Variants in AVEN observed in about 807,000 individuals in gnomAD.
AVEN encodes the protein apoptosis and caspase activation inhibitor.
Under a neutral mutation model 38.1 loss-of-function variants are expected in AVEN, and 41 were observed. The ratio of observed to expected loss-of-function variants is 1.08; its 90% CI spans 0.84 to 1.40. The LOEUF is 1.40. AVEN is among the 40% of genes most tolerant of loss of function. The pLI, the probability that AVEN is intolerant of heterozygous loss-of-function variation, is 0.00. For missense variants in AVEN, 605 were observed against 438.8 expected, an observed-to-expected ratio of 1.38 and a Z score of -3.38; for synonymous variants, 206 against 171.8, an observed-to-expected ratio of 1.20 and a Z score of -1.56.
downstream of AVEN, among the ~76,000 whole-genome samples, chr15:33,861,458 C>A (rs74244058): frequency 5.4e-4 from 82 of 150,776 alleles, no homozygotes; most frequent in East Asian, 0.014. Context: ...TACTGGACTT[C>A]TTCTATCACC....
intron 1 of AVEN, among the ~76,000 whole-genome samples, chr15:34,017,131 G>C (rs1179323935): frequency 4.2e-5 from 2 of 47,904 alleles, no homozygotes; most frequent in Non-Finnish European, 2.2e-4. Context: ...CTGTCTCAAG[G>C]GGGAAAAAAA....
At chr15:33,876,040 A>G (rs772097092) in intron 2 of AVEN, 45 bp from the exon 3 acceptor site, 1 of 1,553,600 alleles carries the variant, frequency 6.4e-7, no homozygotes, top group Non-Finnish European at 8.8e-7. Context: ...AGCCAACGGA[A>G]ACTCTCAGTT....
chr15:33,979,457 C>A (rs937130170), intron 2 of AVEN, among the ~76,000 whole-genome samples: 1 of 152,148 alleles, frequency 6.6e-6, no homozygotes, highest in Admixed American at 6.6e-5. Flanking sequence ...TGCACTCCAG[C>A]CTGGGCAACA....
At chr15:34,065,188 C>T (rs776128945) in intron 4 of AVEN, 3 of 153,482 alleles carry the variant, frequency 2.0e-5, no homozygotes, top group Non-Finnish European at 2.9e-5. Context: ...TTTATTTATG[C>T]TCTGTTCTTA....
At chr15:33,956,770 C>T (rs74007641) in intron 2 of AVEN, among the ~76,000 whole-genome samples, 126 of 150,566 alleles carry the variant, frequency 8.4e-4, no homozygotes, top group African/African-American at 3.1e-3. Context: ...ATAATTTGTT[C>T]TAATATTTTT....
At chr15:33,864,565 G>T (rs186259492), downstream of AVEN, among the ~76,000 whole-genome samples, 12 of 151,332 alleles carry the variant, frequency 7.9e-5, no homozygotes, top group East Asian at 2.3e-3. Context: ...GACCTCATGT[G>T]TGGGTGACAC....
chr15:33,870,964 G>A lies in AVEN; in HGVS notation c.583C>T (p.Arg195Ter), dbSNP rs748136888. The change falls in exon 4 of 6, where the codon CGA becomes TGA. Residue 195 changes from arginine to a stop codon, truncating the protein, a stop_gained. Coordinates refer to ENST00000306730, the MANE Select transcript of AVEN (RefSeq NM_020371.3). LOFTEE classifies it high-confidence loss of function. ...RALQELPLCLRLNVAAELVQG... is the reference protein window; with the variant it reads ...RALQELPLCL ...ACCAGTTCGGCAGCAACGTTGAGTCGGAGGCAGAGAGGCAGCTCTTGAAGG... is the reference window on the plus strand; with the variant it reads ...ACCAGTTCGGCAGCAACGTTGAGTCAGAGGCAGAGAGGCAGCTCTTGAAGG... 57 of 1,611,036 alleles carry A rather than the reference G, an allele frequency of 3.5e-5. No homozygotes were observed. Among genetic ancestry groups the A allele is most frequent in the South Asian group, 7.7e-5 (7 of 90,666 alleles).
chr15:34,018,967 G>A (rs999767811), intron 1 of AVEN, among the ~76,000 whole-genome samples: 1 of 151,920 alleles, frequency 6.6e-6, no homozygotes, highest in Non-Finnish European at 1.5e-5. Context: ...ACAGAGTGCT[G>A]ATTGGTGTGT....
chr15:33,952,427 G>C (rs903169752), intron 2 of AVEN, among the ~76,000 whole-genome samples: 1 of 152,086 alleles, frequency 6.6e-6, no homozygotes, highest in African/African-American at 2.4e-5. Context: ...TAGTAACTTG[G>C]TTGCAGGAAA....
At chr15:34,069,295 C>T (rs1900585263) in intron 2 of AVEN, among the ~76,000 whole-genome samples, 1 of 150,952 alleles carries the variant, frequency 6.6e-6, no homozygotes, top group Admixed American at 6.6e-5. Flanking sequence ...TGGTGCGTGC[C>T]TGTAATCCCA....
At chr15:34,006,945 C>T in intron 1 of AVEN, 3 of 475,014 alleles carry the variant, frequency 6.3e-6, no homozygotes, top group Non-Finnish European at 8.2e-6. Context: ...AAATAAAATA[C>T]TGATCAGAAA....
At chr15:33,938,234 T>A (rs1039549916) in intron 2 of AVEN, among the ~76,000 whole-genome samples, 2 of 152,122 alleles carry the variant, frequency 1.3e-5, no homozygotes, top group African/African-American at 4.8e-5. Flanking sequence ...GGTGGGCGGA[T>A]CACGAGGTCA....
intron 2 of AVEN, among the ~76,000 whole-genome samples, chr15:33,970,646 C>A (rs568490333): frequency 2.0e-5 from 3 of 151,352 alleles, no homozygotes; most frequent in South Asian, 2.1e-4. Flanking sequence ...GAATATTAAT[C>A]AATATTTTAA....
intron 2 of AVEN, among the ~76,000 whole-genome samples, chr15:33,948,203 TTC>T (rs1204897228): frequency 1.3e-5 from 2 of 151,116 alleles, no homozygotes; most frequent in Non-Finnish European, 2.9e-5. Flanking sequence ...GTTCAAGCAA[TTC>T]TCTGCCTCGC....
At chr15:34,036,445 T>C (rs1300672565) in intron 1 of AVEN, among the ~76,000 whole-genome samples, 1 of 152,174 alleles carries the variant, frequency 6.6e-6, no homozygotes, top group Non-Finnish European at 1.5e-5. Flanking sequence ...TTTTTTTCCT[T>C]TGATCATTTC....
intron 2 of AVEN, among the ~76,000 whole-genome samples, chr15:33,961,383 T>C (rs1895154006): frequency 6.6e-6 from 1 of 152,192 alleles, no homozygotes; most frequent in Non-Finnish European, 1.5e-5. Flanking sequence ...ATGGTATGTC[T>C]CATAGGAGGA....
upstream of AVEN, among the ~76,000 whole-genome samples, chr15:34,039,716 A>C (rs1307425566): frequency 1.3e-5 from 2 of 152,198 alleles, no homozygotes; most frequent in Non-Finnish European, 2.9e-5. Context: ...ATTTCTGTAG[A>C]AATGACTACT....
Position 33,872,552 on chromosome 15 carries a change from G to C in AVEN, c.517-1522C>G, listed in dbSNP as rs998589048. On this transcript the variant is annotated intron_variant, in intron 3 of 5. Coordinates refer to ENST00000306730, the MANE Select transcript of AVEN (RefSeq NM_020371.3). Reference sequence around the variant, plus strand: ...CAGAACTGAACTCTCTGGGTGGCGTGGGGGGAGCCGGGAATCTGTGCCTTT... The same window carrying C: ...CAGAACTGAACTCTCTGGGTGGCGTCGGGGGAGCCGGGAATCTGTGCCTTT... Among the ~76,000 whole-genome samples the C allele has an allele frequency of 1.1e-4, 17 of 152,026 alleles. No homozygotes were observed. The East Asian group carries it at 2.5e-3, about 23-fold the overall frequency.
intron 11 of AVEN, among the ~76,000 whole-genome samples, chr15:33,860,364 G>A (rs1051311461): frequency 6.6e-6 from 1 of 152,196 alleles, no homozygotes; most frequent in Non-Finnish European, 1.5e-5. Context: ...AGAGTTTCAG[G>A]GAGGAGCAAG....
Sources: gnomAD v4.1 joint callset for allele counts (sites outside exome capture counted in the v4.1 genomes callset) on GRCh38, gnomAD v4.1.1 for gene constraint, MANE v1.5 for transcripts, NCBI Gene and HGNC (gene_info 2026-07-23, HGNC 2026-07-21) for gene names.